PLXDC2: variants seen among roughly 807,000 people sequenced by gnomAD.
PLXDC2 encodes plexin domain-containing protein 2.
Under a neutral mutation model 68.9 loss-of-function variants are expected in PLXDC2, and 40 were observed. The observed-to-expected ratio is 0.58, with a 90% CI of 0.45 to 0.76. PLXDC2 has a LOEUF of 0.76. Among genes scored for constraint, PLXDC2 ranks in the 30% least tolerant of loss-of-function variants. PLXDC2 has a pLI of 0.00. For synonymous variants in PLXDC2, 243 were observed against 234.2 expected, an observed-to-expected ratio of 1.04 and a Z score of -0.34; for missense variants, 644 against 661.9, an observed-to-expected ratio of 0.97 and a Z score of 0.30.
Position 20,280,412 on chromosome 10 carries a change from A to G in PLXDC2, c.*593A>G, listed in dbSNP as rs980537907. The G allele has an allele frequency of 6.6e-6, 1 of 152,318 alleles. No individual in the cohort carries two copies. Among genetic ancestry groups the G allele is most frequent in the African/African-American group, 2.4e-5 (1 of 41,462 alleles). 9.4% of individuals were successfully genotyped at this position (152,318 alleles called of 1,614,324 possible). ...CTGGTCTAGATCCATCTGTACCAAC[A>G]AGTTCATCACTTTACAGAACGAATC... On this transcript the variant is annotated 3_prime_UTR_variant, in exon 14 of 14. Transcript: ENST00000377252.
intron 13 of PLXDC2, among the ~76,000 whole-genome samples, chr10:20,258,856 A>G (rs1835775747): frequency 6.6e-6 from 1 of 151,992 alleles, no homozygotes; most frequent in Non-Finnish European, 1.5e-5. Flanking sequence ...AAAATAGAAA[A>G]AATTAGCCGG....
intron 13 of PLXDC2, among the ~76,000 whole-genome samples, chr10:20,258,882 C>T (rs369673846): frequency 2.0e-5 from 3 of 151,954 alleles, no homozygotes; most frequent in African/African-American, 7.3e-5. Flanking sequence ...GTGGCAGGCG[C>T]TTGTAGTCCC....
intron 1 of PLXDC2, among the ~76,000 whole-genome samples, chr10:19,992,526 C>T (rs1477431476): frequency 6.6e-6 from 1 of 151,992 alleles, no homozygotes; most frequent in Non-Finnish European, 1.5e-5. Context: ...TGATCATTTT[C>T]CTTTTATTAT....
chr10:19,848,804 TA>T (rs1263839637), intron 1 of PLXDC2, among the ~76,000 whole-genome samples: 1 of 152,056 alleles, frequency 6.6e-6, no homozygotes, highest in Non-Finnish European at 1.5e-5. Context: ...TGTTTGCCTG[TA>T]AGGGTTTTGG....
intron 1 of PLXDC2, among the ~76,000 whole-genome samples, chr10:19,830,497 T>C (rs1170383967): frequency 6.6e-6 from 1 of 152,236 alleles, no homozygotes; most frequent in Non-Finnish European, 1.5e-5. Flanking sequence ...ACTCATGGTA[T>C]GGTGTGAACA....
rs975294567 is a variant in PLXDC2, at chr10:20,283,752, A to G, written c.*3933A>G. 1.3e-5 allele frequency: 2 copies of G among 152,176 alleles called. No homozygotes were observed. Among genetic ancestry groups the G allele is most frequent in the African/African-American group, 4.8e-5 (2 of 41,450 alleles). The allele number at this position is 152,176 out of a possible 1,614,324, so 9.4% of individuals were successfully genotyped here. A position where few individuals can be genotyped will look rare whatever the true frequency, so the allele number is the denominator to read the frequency against. On this transcript the variant is annotated 3_prime_UTR_variant, in exon 14 of 14. Coordinates refer to ENST00000377252, the MANE Select transcript of PLXDC2 (RefSeq NM_032812.9). Reference sequence around the variant, plus strand: ...CACTTAACAGCAAAAGGAGGCTTCCATTTAGAAGGCACTATCTCAAACATA... The same window carrying G: ...CACTTAACAGCAAAAGGAGGCTTCCGTTTAGAAGGCACTATCTCAAACATA...
At chr10:20,240,620 C>T (rs2119324911) in intron 12 of PLXDC2, among the ~76,000 whole-genome samples, 1 of 148,188 alleles carries the variant, frequency 6.7e-6, no homozygotes, top group Admixed American at 6.8e-5. Context: ...GTCATAATAC[C>T]TGCTAATATA....
chr10:20,233,666 G>A (rs1440690520), intron 12 of PLXDC2, among the ~76,000 whole-genome samples: 2 of 152,252 alleles, frequency 1.3e-5, no homozygotes, highest in Middle Eastern at 3.4e-3. Context: ...GGCATGCTGT[G>A]TGCTCTTTAT....
At chr10:20,234,214 A>G (rs1358121309) in intron 12 of PLXDC2, among the ~76,000 whole-genome samples, 6 of 152,150 alleles carry the variant, frequency 3.9e-5, no homozygotes, top group African/African-American at 1.2e-4. Flanking sequence ...AGCCCTTGCA[A>G]CTATACAACT....
rs1836196329 is a variant in PLXDC2, at chr10:20,289,042, GT to G, written c.*9227del. The G allele has an allele frequency of 6.6e-6, 1 of 152,170 alleles. No individual in the cohort carries two copies. 9.4% of individuals were successfully genotyped at this position (152,170 alleles called of 1,614,324 possible). ...ATTAAAAACAGTAAATGAGCATTTTGTTTTAATTTCTTAAATACCTTGTCTT... is the reference window on the plus strand; with the variant it reads ...ATTAAAAACAGTAAATGAGCATTTTGTTTAATTTCTTAAATACCTTGTCTT... On this transcript the variant is annotated 3_prime_UTR_variant, in exon 14 of 14. Transcript: ENST00000377252.
chr10:19,953,691 T>G (rs1430321771), intron 1 of PLXDC2, among the ~76,000 whole-genome samples: 2 of 152,220 alleles, frequency 1.3e-5, no homozygotes, highest in Non-Finnish European at 1.5e-5. Flanking sequence ...GCTGCCAATC[T>G]TCTATCTTTC....
chr10:20,106,886 C>A (rs2252516), intron 4 of PLXDC2, among the ~76,000 whole-genome samples: 48,937 of 151,148 alleles, frequency 0.32, 10,327 homozygotes, highest in Non-Finnish European at 0.48. Flanking sequence ...TTTGCTATAT[C>A]GTGGATGCAT....
intron 2 of PLXDC2, among the ~76,000 whole-genome samples, chr10:20,005,758 A>G (rs894398800): frequency 6.6e-6 from 1 of 152,210 alleles, no homozygotes; most frequent in Admixed American, 6.5e-5. Flanking sequence ...TAAGCCATTC[A>G]TGAGGGATCT....
intron 1 of PLXDC2, among the ~76,000 whole-genome samples, chr10:19,999,514 A>T (rs1375604847): frequency 6.6e-6 from 1 of 151,990 alleles, no homozygotes. Context: ...TATTCTCTGA[A>T]TGATGTTTGC....
At chr10:19,976,888 T>G (rs1365340993) in intron 1 of PLXDC2, among the ~76,000 whole-genome samples, 1 of 152,020 alleles carries the variant, frequency 6.6e-6, no homozygotes, top group East Asian at 1.9e-4. Context: ...TTTCTTTCAG[T>G]GTCCTCTTTT....
intron 1 of PLXDC2, among the ~76,000 whole-genome samples, chr10:19,945,761 A>G (rs1003911851): frequency 6.6e-6 from 1 of 152,190 alleles, no homozygotes; most frequent in Non-Finnish European, 1.5e-5. Context: ...GAATTAACTG[A>G]GTCTTGTGGA....
chr10:20,054,721 G>T (rs1349136242), intron 3 of PLXDC2, among the ~76,000 whole-genome samples: 1 of 152,066 alleles, frequency 6.6e-6, no homozygotes, highest in African/African-American at 2.4e-5. Flanking sequence ...GGTGAGGGGG[G>T]AGGGATAGCA....
chr10:20,068,127 G>A (rs747005879), intron 3 of PLXDC2, 43 bp from the exon 4 acceptor site: 1 of 1,515,876 alleles, frequency 6.6e-7, no homozygotes, highest in Non-Finnish European at 9.1e-7. Context: ...CATTGACTAT[G>A]CTACACATTA....
intron 1 of PLXDC2, among the ~76,000 whole-genome samples, chr10:19,984,886 G>A (rs1163600501): frequency 1.3e-5 from 2 of 152,146 alleles, no homozygotes; most frequent in African/African-American, 4.8e-5. Flanking sequence ...TCAATGATAG[G>A]AAGAATGTAG....
Sources: allele counts gnomAD v4.1 joint callset (sites outside exome capture counted in the v4.1 genomes callset), GRCh38; gene constraint gnomAD v4.1.1; transcripts MANE v1.5; gene names NCBI Gene and HGNC (gene_info 2026-07-23, HGNC 2026-07-21).